The following RGS20 variants were observed in gnomAD, a reference collection of about 807,000 sequenced individuals.
RGS20 encodes the protein gz-selective GTPase-activating protein.
A neutral mutation model predicts 33.6 loss-of-function variants in RGS20; 30 were observed. The ratio of observed to expected loss-of-function variants is 0.89; its 90% CI spans 0.67 to 1.21. The LOEUF is 1.21. Among genes scored for constraint, RGS20 ranks in the 50% most tolerant of loss-of-function variants. RGS20 has a pLI of 0.00. For missense variants in RGS20, 472 were observed against 502.4 expected (o/e 0.94, Z 0.58); for synonymous variants, 208 against 197.9 (o/e 1.05, Z -0.43).
chr8:53,890,547 T>C (rs188580496), intron 2 of RGS20, among the ~76,000 whole-genome samples: 20 of 152,362 alleles, frequency 1.3e-4, no homozygotes, highest in African/African-American at 4.8e-4. Context: ...GAATCTCCCT[T>C]GGAGGGATTT....
intron 2 of RGS20, among the ~76,000 whole-genome samples, chr8:53,891,795 A>G (rs1812715819): frequency 2.0e-5 from 3 of 151,206 alleles, no homozygotes; most frequent in Admixed American, 6.6e-5. Context: ...CAGTTTGAAA[A>G]CACTGGAAAG....
chr8:53,896,979 CA>C (rs1812882175), intron 2 of RGS20, among the ~76,000 whole-genome samples: 1 of 152,050 alleles, frequency 6.6e-6, no homozygotes, highest in South Asian at 2.1e-4. Flanking sequence ...GGACAAAAGA[CA>C]AAGTTTGAGG....
At chr8:53,950,623 T>TC (rs1254522483) in intron 4 of RGS20, among the ~76,000 whole-genome samples, 2 of 151,746 alleles carry the variant, frequency 1.3e-5, no homozygotes, top group African/African-American at 4.8e-5. Flanking sequence ...ATGTTTTGTT[T>TC]TTTTTTTTTT....
At chr8:53,932,448 C>T (rs960984493) in intron 2 of RGS20, among the ~76,000 whole-genome samples, 1 of 152,124 alleles carries the variant, frequency 6.6e-6, no homozygotes, top group Non-Finnish European at 1.5e-5. Flanking sequence ...GGGGGAGGGG[C>T]GTCCACCATT....
intron 4 of RGS20, among the ~76,000 whole-genome samples, chr8:53,953,840 C>A (rs1399128123): frequency 1.3e-5 from 2 of 152,146 alleles, no homozygotes; most frequent in Non-Finnish European, 1.5e-5. Context: ...TTTATTCTAG[C>A]AACTTGGTTT....
At chr8:53,899,131 C>G (rs1812944486) in intron 2 of RGS20, among the ~76,000 whole-genome samples, 1 of 152,232 alleles carries the variant, frequency 6.6e-6, no homozygotes, top group Non-Finnish European at 1.5e-5. Context: ...GCTCCTGTGT[C>G]TGTCCTCCTG....
chr8:53,861,625 G>A (rs1426716885), intron 1 of RGS20, among the ~76,000 whole-genome samples: 1 of 152,174 alleles, frequency 6.6e-6, no homozygotes, highest in Non-Finnish European at 1.5e-5. Flanking sequence ...TTTGCCCAGA[G>A]GATCATGTTC....
At chr8:53,881,003 A>C (rs1812355251) in intron 2 of RGS20, 1 of 1,593,882 alleles carries the variant, frequency 6.3e-7, no homozygotes, top group East Asian at 2.3e-5. Context: ...TTGAGAAGGC[A>C]CCCGCGGGAC....
Position 53,918,347 on chromosome 8 carries a change from G to A in RGS20, c.511-21229G>A, listed in dbSNP as rs1813548619. On this transcript the variant is annotated intron_variant, in intron 2 of 5. Transcript: ENST00000297313. ...AATCATACATTATGTAGCCTTTTGT[G>A]TCTGCCTTCGTTCACTTCACTTCAC... 2.0e-5 allele frequency among the ~76,000 whole-genome samples: 3 copies of A among 151,702 alleles called. No homozygotes were observed. In the South Asian group the frequency reaches 6.3e-4, roughly 32 times the overall value.
intron 2 of RGS20, among the ~76,000 whole-genome samples, chr8:53,938,144 C>T (rs149216885): frequency 7.4e-4 from 112 of 152,230 alleles, no homozygotes; most frequent in African/African-American, 2.4e-3. Context: ...AAATGCCCAT[C>T]AATGATAGAC....
intron 2 of RGS20, among the ~76,000 whole-genome samples, chr8:53,919,570 C>A (rs1402208089): frequency 4.0e-5 from 6 of 150,674 alleles, no homozygotes; most frequent in Admixed American, 6.6e-5. Context: ...GGTCTGGTGT[C>A]GTTTGAAGCA....
Position 53,958,614 on chromosome 8 carries a change from C to CTG in RGS20, c.*156_*157insTG, listed in dbSNP as rs1814946081. 2.7e-6 allele frequency: 1 copy of CTG among 373,414 alleles called. No individual in the cohort carries two copies. Among genetic ancestry groups the CTG allele is most frequent in the Non-Finnish European group, 4.6e-6 (1 of 217,230 alleles). The allele number at this position is 373,414 out of a possible 1,614,324, so 23.1% of individuals were successfully genotyped here. ...CCTTCAACAGACTGCTATATATTCA[C>CTG]CATGTAAACTGCAGCCACCTTTAGT... On this transcript the variant is annotated 3_prime_UTR_variant, in exon 6 of 6. Coordinates refer to ENST00000297313, the MANE Select transcript of RGS20 (RefSeq NM_170587.4).
At chr8:53,903,018 T>C (rs2170726) in intron 2 of RGS20, among the ~76,000 whole-genome samples, 150,950 of 152,368 alleles carry the variant, frequency 0.99, 74,778 homozygotes, top group East Asian at 1. Context: ...GAGCCACCCG[T>C]GCCCAGCCCA....
intron 2 of RGS20, among the ~76,000 whole-genome samples, chr8:53,906,186 C>T (rs903415593): frequency 2.1e-4 from 32 of 152,070 alleles, no homozygotes; most frequent in African/African-American, 7.2e-4. Flanking sequence ...GAGGCTGAGG[C>T]GGGCGGATCA....
chr8:53,944,268 G>A (rs1174651306), intron 3 of RGS20, among the ~76,000 whole-genome samples: 1 of 152,128 alleles, frequency 6.6e-6, no homozygotes, highest in Admixed American at 6.6e-5. Flanking sequence ...GGCCAGGCGC[G>A]ATGGCTCACG....
chr8:53,916,965 C>G (rs1233637297), intron 2 of RGS20, among the ~76,000 whole-genome samples: 1 of 152,126 alleles, frequency 6.6e-6, no homozygotes, highest in African/African-American at 2.4e-5. Flanking sequence ...ATAAAGGCCC[C>G]ATTCTCATGA....
chr8:53,858,046 AAT>A (rs1261790202), intron 1 of RGS20, among the ~76,000 whole-genome samples: 1 of 152,208 alleles, frequency 6.6e-6, no homozygotes, highest in Non-Finnish European at 1.5e-5. Context: ...AATAAAATAA[AAT>A]AGTGTTTCAT....
intron 1 of RGS20, among the ~76,000 whole-genome samples, chr8:53,868,269 T>C (rs1348275632): frequency 6.6e-6 from 1 of 152,198 alleles, no homozygotes; most frequent in East Asian, 1.9e-4. Flanking sequence ...ACTTAATTAC[T>C]CCTAGAAACT....
chr8:53,869,729 C>A (rs1812014884), intron 1 of RGS20, among the ~76,000 whole-genome samples: 1 of 152,092 alleles, frequency 6.6e-6, no homozygotes, highest in Admixed American at 6.6e-5. Context: ...AATAGCACAG[C>A]TTTACAGTTG....
Sources: allele counts gnomAD v4.1 joint callset (sites outside exome capture counted in the v4.1 genomes callset), GRCh38; gene constraint gnomAD v4.1.1; transcripts MANE v1.5; gene names NCBI Gene and HGNC (gene_info 2026-07-23, HGNC 2026-07-21).